Variants in DARS1 observed in about 807,000 individuals in gnomAD.
DARS1 encodes the protein aspartyl-tRNA synthetase 1.
In DARS1, 51 loss-of-function variants were observed where a neutral mutation model predicts 68.8. The ratio of observed to expected loss-of-function variants is 0.74; its 90% CI spans 0.59 to 0.94. The LOEUF (loss-of-function observed/expected upper bound fraction) is 0.94, where lower values mean the gene tolerates loss of function less well. Among genes scored for constraint, DARS1 ranks in the 40% least tolerant of loss-of-function variants. DARS1 has a pLI of 0.00. For synonymous variants in DARS1, 203 were observed against 190.4 expected (o/e 1.07, Z -0.55); for missense variants, 607 against 597.3 (o/e 1.02, Z -0.17).
intron 7 of DARS1, among the ~76,000 whole-genome samples, chr2:135,929,781 T>C (rs1288401879): frequency 1.3e-5 from 2 of 152,206 alleles, no homozygotes; most frequent in African/African-American, 4.8e-5. Flanking sequence ...CTATTGATAT[T>C]ATCTAATTTT....
intron 3 of DARS1, among the ~76,000 whole-genome samples, chr2:135,972,417 T>C (rs569213359): frequency 1.3e-5 from 2 of 152,292 alleles, no homozygotes; most frequent in African/African-American, 4.8e-5. Flanking sequence ...TTACCTTATA[T>C]AAAAATCAAT....
rs1485633231 is a variant in DARS1, at chr2:135,908,579, G to A, written c.1415-1172C>T. Among the ~76,000 whole-genome samples the A allele has an allele frequency of 2.0e-5, 3 of 152,292 alleles. No individual in the cohort carries two copies. In the East Asian group the frequency reaches 5.8e-4, roughly 29 times the overall value. ...CTCTGCAACCTTGTCAGCATCTGTTGTTTCTCGACTTTTTAACAATTGCCA... is the reference window on the plus strand; with the variant it reads ...CTCTGCAACCTTGTCAGCATCTGTTATTTCTCGACTTTTTAACAATTGCCA... On this transcript the variant is annotated intron_variant, in intron 15 of 15. Coordinates refer to ENST00000264161, the MANE Select transcript of DARS1 (RefSeq NM_001349.4).
At chr2:135,974,207 T>C (rs1289821937) in intron 3 of DARS1, among the ~76,000 whole-genome samples, 3 of 152,232 alleles carry the variant, frequency 2.0e-5, no homozygotes, top group Non-Finnish European at 2.9e-5. Context: ...ATTGGGAATG[T>C]GTGTACTGGA....
intron 7 of DARS1, 49 bp from the exon 8 acceptor site, chr2:135,924,547 A>C: frequency 6.3e-7 from 1 of 1,577,952 alleles, no homozygotes; most frequent in Non-Finnish European, 8.6e-7. Flanking sequence ...TTAATTACTA[A>C]GCACTAACTC....
At chr2:135,974,326 G>A (rs1351122939) in intron 3 of DARS1, among the ~76,000 whole-genome samples, 1 of 152,190 alleles carries the variant, frequency 6.6e-6, no homozygotes, top group African/African-American at 2.4e-5. Flanking sequence ...TAGCCAGTAG[G>A]TGAATTTGCG....
intron 7 of DARS1, among the ~76,000 whole-genome samples, chr2:135,926,464 A>T (rs937195335): frequency 1.3e-5 from 2 of 152,220 alleles, no homozygotes; most frequent in Non-Finnish European, 2.9e-5. Context: ...ACAGTTATTC[A>T]CATGACAATT....
rs76677887 is a variant in DARS1, at chr2:135,916,035, T to C, written c.1106+191A>G. Among the ~76,000 whole-genome samples the C allele has an allele frequency of 7.7e-3, 1,165 of 152,282 alleles. 98 individuals carry two copies. The East Asian group carries it at 0.2, about 26-fold the overall frequency. On this transcript the variant is annotated intron_variant, in intron 11 of 15. Coordinates refer to ENST00000264161, the MANE Select transcript of DARS1 (RefSeq NM_001349.4). ...TAAGTGTATCAGGTGAAAAAAATCATTTATTAATATTTTCATTTTTTCTTA... is the reference window on the plus strand; with the variant it reads ...TAAGTGTATCAGGTGAAAAAAATCACTTATTAATATTTTCATTTTTTCTTA...
chr2:135,980,205 C>T (rs1347396030), intron 2 of DARS1, among the ~76,000 whole-genome samples: 1 of 152,164 alleles, frequency 6.6e-6, no homozygotes, highest in Non-Finnish European at 1.5e-5. Context: ...CTACATTCAT[C>T]TAGAGTTCCT....
In DARS1 at chr2:135,907,243, T is replaced by TTC; in HGVS notation, c.*72_*73insGA. 6.5e-6 allele frequency: 1 copy of TTC among 154,464 alleles called. No homozygotes were observed. The highest frequency in any genetic ancestry group is 1.5e-4 in the South Asian group (1 of 6,554). The allele number at this position is 154,464 out of a possible 1,614,324, so 9.6% of individuals were successfully genotyped here. ...ACTGAAAAGAATAAGTGTGGCTTTC[T>TTC]TTTTTTTTTTTTTTTTTTGAGGCAG... On this transcript the variant is annotated 3_prime_UTR_variant, in exon 16 of 16. Transcript: ENST00000264161.
At chr2:135,978,078 G>T (rs1274882013) in intron 3 of DARS1, among the ~76,000 whole-genome samples, 1 of 133,758 alleles carries the variant, frequency 7.5e-6, no homozygotes, top group Non-Finnish European at 1.5e-5. Flanking sequence ...TGGAGGCAGA[G>T]ATTGCAGTGA....
Position 135,916,190 on chromosome 2 carries a change from G to A in DARS1, c.1106+36C>T, listed in dbSNP as rs1486266179. 5 of 1,323,964 alleles carry A rather than the reference G, an allele frequency of 3.8e-6. No individual in the cohort carries two copies. In the South Asian group the frequency reaches 4.8e-5, roughly 13 times the overall value. The allele number at this position is 1,323,964 out of a possible 1,614,324, so 82.0% of individuals were successfully genotyped here. ...CCTGCACGTTCTGCACATGGATCCT[G>A]GAACTTAAAGTAAAAAAAAAGCCAC... On this transcript the variant is annotated intron_variant, in intron 11 of 15. Coordinates refer to ENST00000264161, the MANE Select transcript of DARS1 (RefSeq NM_001349.4).
chr2:135,924,423 CTTTG>C lies in DARS1; in HGVS notation c.636_639del (p.Asn212LysfsTer71). The stretch of plus-strand genomic sequence containing the variant: ...TTAGGAGTTTGGATTTCCACAAAAC[CTTTG>C]TTAATTAAAGTTTCTCGGAAGAGAT... On this transcript the variant is annotated frameshift_variant, in exon 8 of 16. Coordinates refer to ENST00000264161, the MANE Select transcript of DARS1 (RefSeq NM_001349.4). LOFTEE classifies it high-confidence loss of function. 6.2e-7 allele frequency: 1 copy of C among 1,605,684 alleles called. No individual in the cohort carries two copies. The highest frequency in any genetic ancestry group is 1.3e-5 in the African/African-American group (1 of 74,394).
Position 135,920,602 on chromosome 2 carries a change from T to C in DARS1, c.812-2A>G. The stretch of plus-strand genomic sequence containing the variant: ...TATTAGAGTCTTCCGCTCTGAATAC[T>C]GTGAAGTTAATAAAAGAAATAGAGA... On this transcript the variant is annotated splice_acceptor_variant, in intron 9 of 15. Transcript: ENST00000264161. LOFTEE classifies it high-confidence loss of function. The C allele has an allele frequency of 6.3e-7, 1 of 1,580,004 alleles. No individual in the cohort carries two copies. The highest frequency in any genetic ancestry group is 8.6e-7 in the Non-Finnish European group (1 of 1,168,184).
At chr2:135,972,382 A>C (rs1173048772) in intron 3 of DARS1, among the ~76,000 whole-genome samples, 1 of 152,190 alleles carries the variant, frequency 6.6e-6, no homozygotes, top group Non-Finnish European at 1.5e-5. Flanking sequence ...TCCATATGCA[A>C]AAGACTAAAA....
chr2:135,914,511 G>T lies in DARS1; in HGVS notation c.1107C>A (p.Ser369Arg). The change falls in exon 12 of 16, where the codon AGC (serine) becomes AGA (arginine). Residue 369 changes from serine (S) to arginine (R), a missense_variant and splice_region_variant. By Grantham distance (110) the Ser-to-Arg change is moderately radical. Coordinates refer to ENST00000264161, the MANE Select transcript of DARS1 (RefSeq NM_001349.4). ...GVEMGDEDDL[S>R]TPNEKLLGHL... is the part of the protein sequence containing the mutation. Reference sequence around the variant, plus strand: ...GACCCAACAGCTTTTCATTTGGTGTGCTGAAAAAGAAACGTGAAATCAGTG... The same window carrying T: ...GACCCAACAGCTTTTCATTTGGTGTTCTGAAAAAGAAACGTGAAATCAGTG... 7.0e-7 allele frequency: 1 copy of T among 1,430,802 alleles called. No individual in the cohort carries two copies. Among genetic ancestry groups the T allele is most frequent in the Non-Finnish European group, 9.9e-7 (1 of 1,012,746 alleles). The allele number at this position is 1,430,802 out of a possible 1,614,324, so 88.6% of individuals were successfully genotyped here. A position where few individuals can be genotyped will look rare whatever the true frequency, so the allele number is the denominator to read the frequency against.
At chr2:135,980,929 G>A (rs1420559833) in intron 2 of DARS1, among the ~76,000 whole-genome samples, 3 of 152,082 alleles carry the variant, frequency 2.0e-5, no homozygotes, top group Non-Finnish European at 2.9e-5. Context: ...GAACATACCC[G>A]AAGCCCATGC....
intron 3 of DARS1, among the ~76,000 whole-genome samples, chr2:135,967,062 T>C (rs1010218551): frequency 1.3e-5 from 2 of 152,178 alleles, no homozygotes; most frequent in Non-Finnish European, 2.9e-5. Flanking sequence ...AGCAATGAAA[T>C]AGGCCTTCAT....
intron 5 of DARS1, among the ~76,000 whole-genome samples, chr2:135,941,295 A>C (rs1211116021): frequency 6.6e-6 from 1 of 152,250 alleles, no homozygotes; most frequent in Non-Finnish European, 1.5e-5. Context: ...ACAGCATGGT[A>C]CTGGTACCAA....
chr2:135,965,296 GTGC>G (rs1326025960), intron 3 of DARS1, among the ~76,000 whole-genome samples: 4 of 152,040 alleles, frequency 2.6e-5, no homozygotes, highest in Non-Finnish European at 5.9e-5. Flanking sequence ...GAAAAAATAA[GTGC>G]TGAACAGCAT....
Sources: gnomAD v4.1 joint callset for allele counts (sites outside exome capture counted in the v4.1 genomes callset) on GRCh38, gnomAD v4.1.1 for gene constraint, MANE v1.5 for transcripts, NCBI Gene and HGNC (gene_info 2026-07-23, HGNC 2026-07-21) for gene names.